The following VPS13C variants were observed in gnomAD, a reference collection of about 807,000 sequenced individuals.
VPS13C encodes the protein intermembrane lipid transfer protein VPS13C.
A neutral mutation model predicts 456.8 loss-of-function variants in VPS13C; 358 were observed. The ratio of observed to expected loss-of-function variants is 0.78; its 90% CI spans 0.72 to 0.86. The LOEUF (loss-of-function observed/expected upper bound fraction) is 0.86, where lower values mean the gene tolerates loss of function less well. Among genes scored for constraint, VPS13C ranks in the 40% least tolerant of loss-of-function variants. The pLI, the probability that VPS13C is intolerant of heterozygous loss-of-function variation, is 0.00. For synonymous variants in VPS13C, 1,578 were observed against 1,486.7 expected (o/e 1.06, Z -1.41); for missense variants, 4,818 against 4,385.4 (o/e 1.10, Z -2.79).
rs548434529 is a variant in VPS13C at position 62,006,162 on chromosome 15, G to A, written c.1290+1146C>T. On this transcript the variant is annotated intron_variant, in intron 15 of 84. Coordinates refer to ENST00000644861, the MANE Select transcript of VPS13C (RefSeq NM_020821.3). ...GTACATGCGCACATTGTGCAGGTTT[G>A]TTACATATGTATACATGTGCCATGT... 1.1e-3 allele frequency among the ~76,000 whole-genome samples: 172 copies of A among 151,128 alleles called. 1 individual carries two copies. The highest frequency in any genetic ancestry group is 1.8e-3 in the Non-Finnish European group (124 of 67,884).
intron 9 of VPS13C, among the ~76,000 whole-genome samples, chr15:62,015,432 G>A (rs919244814): frequency 6.6e-6 from 1 of 151,796 alleles, no homozygotes; most frequent in African/African-American, 2.4e-5. Flanking sequence ...CCTTGCCCAC[G>A]CCTATGTCCT....
intron 6 of VPS13C, 114 bp from the exon 7 acceptor site, chr15:62,023,959 CT>C: frequency 1.3e-6 from 1 of 781,522 alleles, no homozygotes; most frequent in Non-Finnish European, 2.0e-6. Context: ...CACAACTCAC[CT>C]TACCTTATTC....
At chr15:61,955,669 C>T (rs933150475) in intron 37 of VPS13C, among the ~76,000 whole-genome samples, 2 of 151,910 alleles carry the variant, frequency 1.3e-5, no homozygotes, top group African/African-American at 4.8e-5. Context: ...CCAGAATAGG[C>T]AAAGATTTTT....
At chr15:62,000,729 G>A (rs2046583169) in intron 15 of VPS13C, 103 bp from the exon 16 acceptor site, 6 of 816,634 alleles carry the variant, frequency 7.3e-6, no homozygotes, top group Non-Finnish European at 7.4e-6. Flanking sequence ...ATCAGTACCT[G>A]TGACCTAATG....
chr15:61,926,129 T>C (rs187904763), intron 52 of VPS13C, among the ~76,000 whole-genome samples: 485 of 152,296 alleles, frequency 3.2e-3, no homozygotes, highest in Non-Finnish European at 5.5e-3. Flanking sequence ...CCAGGTATGG[T>C]AGTGCATACC....
chr15:61,880,571 A>C lies in VPS13C; in HGVS notation c.10002+38T>G, dbSNP rs781762392. On this transcript the variant is annotated intron_variant, in intron 73 of 84. Transcript: ENST00000644861. ...CAGACCCTTTAAAAAGTTCTACAAT[A>C]ATTTCACTAAATTTTCAAAATAATA... 26 of 1,404,962 alleles carry C rather than the reference A, an allele frequency of 1.9e-5. 1 individual carries two copies. Among genetic ancestry groups the C allele is most frequent in the Non-Finnish European group, 5.9e-6 (6 of 1,025,352 alleles). 87.0% of individuals were successfully genotyped at this position (1,404,962 alleles called of 1,614,324 possible).
chr15:61,945,784 G>T lies in VPS13C; in HGVS notation c.5079C>A (p.Asp1693Glu). 1 of 1,612,180 alleles carries T rather than the reference G, an allele frequency of 6.2e-7. No homozygotes were observed. Among genetic ancestry groups the T allele is most frequent in the Non-Finnish European group, 8.5e-7 (1 of 1,179,176 alleles). Reference sequence around the variant, plus strand: ...AACCCACTTTAAAACTAAGTTTGCCGTCTACTTTGGACATATCAGCATAGG... The same window carrying T: ...AACCCACTTTAAAACTAAGTTTGCCTTCTACTTTGGACATATCAGCATAGG... The part of the protein sequence containing the change: ...GEAYADMSKV[D>E]GKLSFKVGCI... Residue 1693 changes from aspartate (D) to glutamate (E), a missense_variant, in exon 45 of 85, where the codon GAC (aspartate) becomes GAA (glutamate). Asp to Glu is a conservative substitution (Grantham distance 45). Around this residue, in one of 3 missense-constraint regions of VPS13C, gnomAD observed 4,552 missense variants for 4,130.6 expected, o/e 1.10. Coordinates refer to ENST00000644861, the MANE Select transcript of VPS13C (RefSeq NM_020821.3).
intron 23 of VPS13C, 68 bp downstream of exon 23, chr15:61,978,558 A>G (rs1186122783): frequency 5.1e-6 from 8 of 1,554,778 alleles, no homozygotes; most frequent in Middle Eastern, 1.7e-4. Context: ...AGGCACACAT[A>G]TATACACGTA....
chr15:61,947,403 G>T (rs2044643275), intron 42 of VPS13C, 94 bp from the exon 43 acceptor site: 3 of 861,850 alleles, frequency 3.5e-6, no homozygotes, highest in Non-Finnish European at 3.6e-6. Flanking sequence ...AGTACCCAAT[G>T]TACTCTGAGG....
chr15:61,958,904 GATA>G (rs965167684), intron 36 of VPS13C, among the ~76,000 whole-genome samples, 188 bp from the exon 37 acceptor site: 29 of 152,016 alleles, frequency 1.9e-4, no homozygotes, highest in East Asian at 5.8e-4. Context: ...TATTTTCAAA[GATA>G]ATAAGATGTT....
intron 18 of VPS13C, among the ~76,000 whole-genome samples, chr15:61,988,885 C>A (rs887856921): frequency 4.6e-5 from 7 of 152,234 alleles, no homozygotes; most frequent in African/African-American, 1.7e-4. Flanking sequence ...CCCAACTTCA[C>A]ACCATACACA....
At position 61,878,144 on chromosome 15, in the gene VPS13C, G is replaced by A. The variant is rs181305457; in HGVS notation, c.10142+463C>T. On this transcript the variant is annotated intron_variant, in intron 74 of 84. Coordinates refer to ENST00000644861, the MANE Select transcript of VPS13C (RefSeq NM_020821.3). ...GTTTAGGTTTTATATTTTATCATTCGTTTCCTCTGAAATTTAGTAGTGTAC... is the reference window on the plus strand; with the variant it reads ...GTTTAGGTTTTATATTTTATCATTCATTTCCTCTGAAATTTAGTAGTGTAC... Among the ~76,000 whole-genome samples, 1,209 of 151,412 alleles carry A rather than the reference G, an allele frequency of 8.0e-3. 14 individuals carry two copies. Among genetic ancestry groups the A allele is most frequent in the African/African-American group, 0.028 (1,165 of 41,358 alleles).
chr15:61,994,104 G>T (rs1371983983), intron 16 of VPS13C, among the ~76,000 whole-genome samples: 5 of 151,982 alleles, frequency 3.3e-5, no homozygotes, highest in African/African-American at 1.2e-4. Flanking sequence ...GTTGCCCATG[G>T]TAAATAACTT....
chr15:61,948,858 T>C (rs2044693802), intron 42 of VPS13C, among the ~76,000 whole-genome samples: 1 of 152,186 alleles, frequency 6.6e-6, no homozygotes, highest in Non-Finnish European at 1.5e-5. Context: ...TAAAATGATA[T>C]TTGGCTTAAA....
chr15:62,037,721 A>C (rs996577704), intron 3 of VPS13C, among the ~76,000 whole-genome samples: 2 of 151,770 alleles, frequency 1.3e-5, no homozygotes, highest in Non-Finnish European at 2.9e-5. Flanking sequence ...AGAATAAATG[A>C]ATGGCTACAA....
At position 61,961,670 on chromosome 15, in the gene VPS13C, C is replaced by T. The variant is rs760756427; in HGVS notation, c.3827G>A (p.Ser1276Asn). Residue 1276 changes from serine (S) to asparagine (N), a missense_variant, in exon 35 of 85, where the codon AGT (serine) becomes AAT (asparagine). Ser to Asn is a conservative substitution (Grantham distance 46, BLOSUM62 1). Around this residue, in one of 3 missense-constraint regions of VPS13C, gnomAD observed 4,552 missense variants for 4,130.6 expected, o/e 1.10. Coordinates refer to ENST00000644861, the MANE Select transcript of VPS13C (RefSeq NM_020821.3). ...LGLIRVHNQF[S>N]LVSDEDYLNP... ...TAAGTAGTCTTCATCAGACACCAGA[C>T]TGAACTGATTATGAACTCTGATTAA... 2 of 1,613,880 alleles carry T rather than the reference C, an allele frequency of 1.2e-6. No individual in the cohort carries two copies. The highest frequency in any genetic ancestry group is 2.7e-5 in the African/African-American group (2 of 74,892).
chr15:62,013,561 T>C (rs562511137), intron 10 of VPS13C, among the ~76,000 whole-genome samples: 160 of 152,154 alleles, frequency 1.1e-3, no homozygotes, highest in African/African-American at 3.7e-3. Context: ...TGTTAACATA[T>C]CTAAAGCTCT....
At chr15:61,969,483 T>C in intron 27 of VPS13C, 31 bp from the exon 28 acceptor site, 5 of 1,449,928 alleles carry the variant, frequency 3.4e-6, no homozygotes, top group Non-Finnish European at 3.7e-6. Flanking sequence ...GAAAAGTTGA[T>C]AAGAAGTCTG....
intron 81 of VPS13C, 48 bp from the exon 82 acceptor site, chr15:61,863,576 A>G (rs1320484343): frequency 7.7e-7 from 1 of 1,292,022 alleles, no homozygotes; most frequent in Admixed American, 1.7e-5. Context: ...GCATTTAAGT[A>G]GTATTTACAA....
Sources: allele counts gnomAD v4.1 joint callset (sites outside exome capture counted in the v4.1 genomes callset), GRCh38; gene constraint gnomAD v4.1.1; regional missense constraint gnomAD v4.1.1; transcripts MANE v1.5; gene names NCBI Gene and HGNC (gene_info 2026-07-23, HGNC 2026-07-21).